The following PTPRD variants were observed in gnomAD, a reference collection of about 807,000 sequenced individuals.
The protein encoded by PTPRD is protein tyrosine phosphatase receptor type D, also known as receptor-type tyrosine-protein phosphatase delta.
PTPRD carries 34 observed loss-of-function variants against 214.5 expected under a neutral mutation model. That is an observed-to-expected ratio of 0.16 (90% CI 0.12 to 0.21). PTPRD has a LOEUF of 0.21. Ranked by LOEUF, PTPRD falls within the 10% of genes least tolerant of loss-of-function variation. The pLI, the probability that PTPRD is intolerant of heterozygous loss-of-function variation, is 1.00. For missense variants in PTPRD, 2,545 were observed against 2,398.7 expected, an observed-to-expected ratio of 1.06 and a Z score of -1.27; for synonymous variants, 1,128 against 845.7, an observed-to-expected ratio of 1.33 and a Z score of -5.79.
intron 7 of PTPRD, among the ~76,000 whole-genome samples, chr9:9,581,958 C>A (rs1307440390): frequency 6.6e-6 from 1 of 152,058 alleles, no homozygotes; most frequent in Non-Finnish European, 1.5e-5. Flanking sequence ...ATTTGATATT[C>A]TGGTTACTAA....
At chr9:8,335,246 C>T (rs1845443479) in intron 43 of PTPRD, among the ~76,000 whole-genome samples, 1 of 141,912 alleles carries the variant, frequency 7.0e-6, no homozygotes, top group African/African-American at 2.7e-5. Context: ...CCAAAATCCT[C>T]AGTACTGGCA....
chr9:8,763,719 T>G (rs1434881812), intron 11 of PTPRD, among the ~76,000 whole-genome samples: 2 of 151,698 alleles, frequency 1.3e-5, no homozygotes, highest in East Asian at 3.9e-4. Flanking sequence ...TTTTGCTATT[T>G]TTGAGAAAAG....
At chr9:8,377,545 C>G (rs72691040) in intron 37 of PTPRD, among the ~76,000 whole-genome samples, 6 of 151,854 alleles carry the variant, frequency 4.0e-5, no homozygotes, top group Non-Finnish European at 8.8e-5. Flanking sequence ...GTAACAAACA[C>G]AGCACAATAT....
rs1169421712 is a variant in PTPRD at position 9,522,218 on chromosome 9, G to A, written c.-237+52514C>T. Reference sequence around the variant, plus strand: ...TATAATTTTGCATATTCAGAATAAAGTTGACAACCTTTAATTTAGATCCTT... The same window carrying A: ...TATAATTTTGCATATTCAGAATAAAATTGACAACCTTTAATTTAGATCCTT... On this transcript the variant is annotated intron_variant, in intron 8 of 45. Transcript: ENST00000381196. Among the ~76,000 whole-genome samples the A allele has an allele frequency of 4.3e-5, 6 of 140,272 alleles. 1 individual carries two copies. The highest frequency in any genetic ancestry group is 9.2e-5 in the Non-Finnish European group (6 of 65,034). 92.0% of individuals were successfully genotyped at this position (140,272 alleles called of 152,430 possible).
At chr9:9,835,035 T>C (rs976576130) in intron 5 of PTPRD, among the ~76,000 whole-genome samples, 1 of 152,052 alleles carries the variant, frequency 6.6e-6, no homozygotes, top group Admixed American at 6.6e-5. Flanking sequence ...ATATAGTAGA[T>C]AGGGTACTTA....
At chr9:9,494,986 A>C (rs929950107) in intron 8 of PTPRD, among the ~76,000 whole-genome samples, 1 of 152,184 alleles carries the variant, frequency 6.6e-6, no homozygotes, top group Admixed American at 6.5e-5. Context: ...AATGGATAGA[A>C]AAGAGAGCTC....
At chr9:8,455,002 A>G (rs893736594) in intron 33 of PTPRD, among the ~76,000 whole-genome samples, 5 of 152,216 alleles carry the variant, frequency 3.3e-5, no homozygotes, top group Non-Finnish European at 5.9e-5. Flanking sequence ...TCATTCCATA[A>G]AAGAAATTCG....
At chr9:9,823,047 C>T (rs2051343202) in intron 5 of PTPRD, among the ~76,000 whole-genome samples, 1 of 151,970 alleles carries the variant, frequency 6.6e-6, no homozygotes, top group South Asian at 2.1e-4. Context: ...TTCACAATAG[C>T]CAATATATGG....
intron 2 of PTPRD, among the ~76,000 whole-genome samples, chr9:10,611,908 C>T (rs923745821): frequency 6.7e-6 from 1 of 148,832 alleles, no homozygotes; most frequent in Non-Finnish European, 1.5e-5. Flanking sequence ...CTTTTCCGCC[C>T]CCCCCCCCTT....
intron 2 of PTPRD, among the ~76,000 whole-genome samples, chr9:10,421,967 T>G (rs1230002955): frequency 6.6e-6 from 1 of 151,904 alleles, no homozygotes; most frequent in Non-Finnish European, 1.5e-5. Context: ...GATTTAAGTA[T>G]AAAAATTCAT....
At chr9:10,585,708 T>C (rs1018813378) in intron 2 of PTPRD, among the ~76,000 whole-genome samples, 52 of 103,008 alleles carry the variant, frequency 5.0e-4, no homozygotes, top group African/African-American at 2.0e-3. Context: ...ATAGTATACA[T>C]ACACACACAC....
chr9:9,395,218 G>C (rs937235846), intron 9 of PTPRD, among the ~76,000 whole-genome samples: 9 of 151,782 alleles, frequency 5.9e-5, no homozygotes, highest in African/African-American at 1.9e-4. Context: ...GGTCTAATAG[G>C]TCCTTGCTAC....
At position 8,321,487 on chromosome 9, in the gene PTPRD, G is replaced by GTGTATATA. The variant is rs1168847469; in HGVS notation, c.5535-1522_5535-1521insTATATACA. ...TGTGTGTGTGTGTGTGTGTGTGTGT[G>GTGTATATA]TATATATATATATATATATATATAT... is the stretch of plus-strand genomic sequence containing the variant. On this transcript the variant is annotated intron_variant, in intron 44 of 45. Transcript: ENST00000381196. Among the ~76,000 whole-genome samples the GTGTATATA allele has an allele frequency of 3.0e-3, 134 of 44,460 alleles. 1 individual carries two copies. The highest frequency in any genetic ancestry group is 4.1e-3 in the Non-Finnish European group (107 of 25,790). The allele number at this position is 44,460 out of a possible 152,430, so 29.2% of individuals were successfully genotyped here. A position where few individuals can be genotyped will look rare whatever the true frequency, so the allele number is the denominator to read the frequency against.
At position 10,462,835 on chromosome 9, in the gene PTPRD, T is replaced by C. The variant is rs1277309190; in HGVS notation, c.-599-121818A>G. Among the ~76,000 whole-genome samples, 3 of 151,682 alleles carry C rather than the reference T, an allele frequency of 2.0e-5. No individual in the cohort carries two copies. The East Asian group carries it at 5.8e-4, about 29-fold the overall frequency. ...TGAGAAAGTAGTACATTGTAAAATG[T>C]ATAAAAATTAATATACAAATTAGCA... On this transcript the variant is annotated intron_variant, in intron 2 of 45. Coordinates refer to ENST00000381196, the MANE Select transcript of PTPRD (RefSeq NM_002839.4).
chr9:8,633,993 G>A (rs2096346326), intron 13 of PTPRD, among the ~76,000 whole-genome samples: 1 of 151,974 alleles, frequency 6.6e-6, no homozygotes, highest in African/African-American at 2.4e-5. Context: ...CAACGAGACA[G>A]CTTTCACAAC....
chr9:8,498,029 T>A (rs2097314104), intron 25 of PTPRD, among the ~76,000 whole-genome samples: 1 of 152,224 alleles, frequency 6.6e-6, no homozygotes, highest in Non-Finnish European at 1.5e-5. Context: ...CACTACATAA[T>A]AATTATTTAT....
intron 10 of PTPRD, among the ~76,000 whole-genome samples, chr9:9,083,297 G>C (rs2099761936): frequency 6.6e-6 from 1 of 152,042 alleles, no homozygotes; most frequent in South Asian, 2.1e-4. Flanking sequence ...AACAAGAATG[G>C]GGAAAGGATT....
intron 27 of PTPRD, 112 bp from the exon 28 acceptor site, chr9:8,486,461 A>T: frequency 2.2e-6 from 2 of 896,618 alleles, no homozygotes; most frequent in Non-Finnish European, 3.7e-6. Context: ...CTTACTTACC[A>T]AAACAAAACA....
At chr9:8,404,782 A>T (rs1328797566) in intron 35 of PTPRD, 122 bp from the exon 36 acceptor site, 1 of 1,245,166 alleles carries the variant, frequency 8.0e-7, no homozygotes, top group African/African-American at 1.5e-5. Flanking sequence ...CTTCATCAAG[A>T]TGATCCTAAC....
Sources: gnomAD v4.1 joint callset for allele counts (sites outside exome capture counted in the v4.1 genomes callset) on GRCh38, gnomAD v4.1.1 for gene constraint, MANE v1.5 for transcripts, NCBI Gene and HGNC (gene_info 2026-07-23, HGNC 2026-07-21) for gene names.